Variants in PRKN observed in about 807,000 individuals in gnomAD.
The protein encoded by PRKN is parkin RBR E3 ubiquitin protein ligase, also known as E3 ubiquitin-protein ligase parkin.
A neutral mutation model predicts 59.5 loss-of-function variants in PRKN; 56 were observed. That is an observed-to-expected ratio of 0.94 (90% CI 0.76 to 1.18). The LOEUF is 1.18. Among genes scored for constraint, PRKN ranks in the 50% most tolerant of loss-of-function variants. The pLI is 0.00. For missense variants in PRKN, 657 were observed against 596.4 expected (o/e 1.10, Z -1.06); for synonymous variants, 250 against 222.1 (o/e 1.13, Z -1.12).
intron 4 of PRKN, among the ~76,000 whole-genome samples, chr6:162,143,806 C>T (rs1171331341): frequency 6.6e-6 from 1 of 152,180 alleles, no homozygotes; most frequent in East Asian, 1.9e-4. Flanking sequence ...AATGAGAAGG[C>T]ATTTGATTCA....
At position 161,399,462 on chromosome 6, in the gene PRKN, T is replaced by C. The variant is rs887169611; in HGVS notation, c.1084-12585A>G. Reference sequence around the variant, plus strand: ...GTCACAGGCACCCATCCCTAGACACTACTGTGGGGCCAGAGCCCAGAAGTG... The same window carrying C: ...GTCACAGGCACCCATCCCTAGACACCACTGTGGGGCCAGAGCCCAGAAGTG... On this transcript the variant is annotated intron_variant, in intron 9 of 11. Transcript: ENST00000366898. This position sits in a 1 kb window ranked among gnomAD's most constrained non-coding sequence, Gnocchi z 4.4. Among the ~76,000 whole-genome samples, 13 of 152,156 alleles carry C rather than the reference T, an allele frequency of 8.5e-5. No individual in the cohort carries two copies. The highest frequency in any genetic ancestry group is 2.9e-4 in the African/African-American group (12 of 41,430).
intron 6 of PRKN, among the ~76,000 whole-genome samples, chr6:161,851,929 A>G (rs1482178968): frequency 6.6e-6 from 1 of 151,360 alleles, no homozygotes; most frequent in Non-Finnish European, 1.5e-5. Flanking sequence ...TCTACCAAAA[A>G]TACAAAAATT....
chr6:161,756,205 G>A (rs1462688046), intron 7 of PRKN, among the ~76,000 whole-genome samples: 1 of 151,984 alleles, frequency 6.6e-6, no homozygotes, highest in Non-Finnish European at 1.5e-5. Context: ...ACTTTGGGAG[G>A]CCAAGGCAGG....
chr6:162,374,165 C>G (rs903903233), intron 2 of PRKN, among the ~76,000 whole-genome samples: 3 of 152,138 alleles, frequency 2.0e-5, no homozygotes, highest in Non-Finnish European at 2.9e-5. Flanking sequence ...TGGTCAACCT[C>G]CAAAAATCAT....
chr6:162,596,401 T>C (rs1322152359), intron 1 of PRKN, among the ~76,000 whole-genome samples: 2 of 152,224 alleles, frequency 1.3e-5, no homozygotes, highest in African/African-American at 4.8e-5. Context: ...AAAGGAATAA[T>C]TGTTACCATG....
chr6:162,493,577 G>C (rs1452609747), intron 1 of PRKN, among the ~76,000 whole-genome samples: 1 of 152,196 alleles, frequency 6.6e-6, no homozygotes, highest in Non-Finnish European at 1.5e-5. Flanking sequence ...AGAATAATCA[G>C]CTTATAACTA....
At chr6:161,879,341 CTTTTTT>C (rs72163881) in intron 6 of PRKN, among the ~76,000 whole-genome samples, 2 of 112,258 alleles carry the variant, frequency 1.8e-5, no homozygotes, top group Admixed American at 1.0e-4. Context: ...ACATTTCTGC[CTTTTTT>C]TTTTTTTTTT....
At chr6:162,625,698 A>ATG (rs750285926) in intron 1 of PRKN, among the ~76,000 whole-genome samples, 154 of 151,346 alleles carry the variant, frequency 1.0e-3, no homozygotes, top group South Asian at 6.3e-3. Flanking sequence ...ATGTATATAT[A>ATG]TGTGTGTGTG....
At chr6:162,681,503 C>T (rs965416201) in intron 1 of PRKN, among the ~76,000 whole-genome samples, 2 of 152,140 alleles carry the variant, frequency 1.3e-5, no homozygotes, top group African/African-American at 4.8e-5. Context: ...TGCAAACCCC[C>T]ACCTTGTCTG....
rs141353943 is a variant in PRKN at position 161,471,656 on chromosome 6, C to A, written c.1083+77198G>T. Among the ~76,000 whole-genome samples, 2 of 152,118 alleles carry A rather than the reference C, an allele frequency of 1.3e-5. No individual in the cohort carries two copies. The highest frequency in any genetic ancestry group is 4.8e-5 in the African/African-American group (2 of 41,418). ...CAGAATCAGGATTCAAAAACATCCC[C>A]CCACCGTCTGACATCACTGGGTAAT... On this transcript the variant is annotated intron_variant, in intron 9 of 11. Coordinates refer to ENST00000366898, the MANE Select transcript of PRKN (RefSeq NM_004562.3). This position sits in a 1 kb window ranked among gnomAD's most constrained non-coding sequence, Gnocchi z 4.5.
At chr6:162,292,716 C>T (rs558709813) in intron 2 of PRKN, among the ~76,000 whole-genome samples, 4 of 152,254 alleles carry the variant, frequency 2.6e-5, no homozygotes, top group Admixed American at 2.0e-4. Context: ...GAAGCAGCAC[C>T]ACTGCCTTCC....
chr6:162,574,046 C>T (rs543223123), intron 1 of PRKN, among the ~76,000 whole-genome samples: 2 of 152,280 alleles, frequency 1.3e-5, no homozygotes, highest in South Asian at 2.1e-4. Context: ...GATGCCTGTG[C>T]ATCTTGTTCC....
chr6:162,329,765 T>C (rs1456053897), intron 2 of PRKN, among the ~76,000 whole-genome samples: 3 of 152,158 alleles, frequency 2.0e-5, no homozygotes, highest in Non-Finnish European at 2.9e-5. Context: ...ATTTTATATA[T>C]GTTTTGGTAG....
At chr6:162,505,821 G>A (rs1038546190) in intron 1 of PRKN, among the ~76,000 whole-genome samples, 2 of 152,200 alleles carry the variant, frequency 1.3e-5, no homozygotes, top group East Asian at 3.9e-4. Context: ...AGCGTGATAA[G>A]TATAGAGGTG....
At chr6:161,494,951 G>A (rs540934705) in intron 9 of PRKN, among the ~76,000 whole-genome samples, 1 of 152,214 alleles carries the variant, frequency 6.6e-6, no homozygotes, top group East Asian at 1.9e-4. Context: ...CCTCTACACC[G>A]TTAAACGATT....
chr6:161,824,434 T>C (rs1264839384), intron 6 of PRKN, among the ~76,000 whole-genome samples: 3 of 152,182 alleles, frequency 2.0e-5, no homozygotes, highest in Non-Finnish European at 4.4e-5. Flanking sequence ...GGAAACCACT[T>C]GAGAGAGAAT....
intron 1 of PRKN, among the ~76,000 whole-genome samples, chr6:162,724,549 T>G (rs2128241333): frequency 6.6e-6 from 1 of 152,348 alleles, no homozygotes; most frequent in South Asian, 2.1e-4. Flanking sequence ...AGTGGCAGAA[T>G]ATTATTCGCA....
chr6:162,285,874 A>G (rs188220561), intron 2 of PRKN, among the ~76,000 whole-genome samples: 6 of 152,340 alleles, frequency 3.9e-5, no homozygotes, highest in Admixed American at 1.3e-4. Flanking sequence ...ACAGACAACA[A>G]ACAGATAAAT....
Position 162,366,361 on chromosome 6 carries a change from A to G in PRKN, c.171+76949T>C, listed in dbSNP as rs182682633. On this transcript the variant is annotated intron_variant, in intron 2 of 11. Transcript: ENST00000366898. ...TTTGGTTGGCTTTCTTAGATCTTAT[A>G]TCCAAATGGGATTTATTATTATATG... Among the ~76,000 whole-genome samples, 456 of 152,278 alleles carry G rather than the reference A, an allele frequency of 3.0e-3. 4 individuals are homozygous for G. Among genetic ancestry groups the G allele is most frequent in the Non-Finnish European group, 2.8e-3 (189 of 68,024 alleles).
Sources: allele counts gnomAD v4.1 joint callset (sites outside exome capture counted in the v4.1 genomes callset), GRCh38; gene constraint gnomAD v4.1.1; non-coding constraint Gnocchi (gnomAD v3.1); transcripts MANE v1.5; gene names NCBI Gene and HGNC (gene_info 2026-07-23, HGNC 2026-07-21).